CCDC169: variants seen among roughly 807,000 people sequenced by gnomAD.
CCDC169 encodes the protein coiled-coil domain containing 169.
Under a neutral mutation model 36.0 loss-of-function variants are expected in CCDC169, and 30 were observed. That is an observed-to-expected ratio of 0.83 (90% CI 0.62 to 1.13). The LOEUF (loss-of-function observed/expected upper bound fraction) is 1.13. Ranked by LOEUF, CCDC169 falls within the 50% of genes most tolerant of loss-of-function variation. CCDC169 has a pLI of 0.00. For missense variants in CCDC169, 245 were observed against 245.9 expected, an observed-to-expected ratio of 1.00 and a Z score of 0.03; for synonymous variants, 85 against 81.5, an observed-to-expected ratio of 1.04 and a Z score of -0.23.
At chr13:36,293,427 C>G (rs1048682440) in intron 2 of CCDC169, among the ~76,000 whole-genome samples, 1 of 152,130 alleles carries the variant, frequency 6.6e-6, no homozygotes, top group African/African-American at 2.4e-5. Context: ...AATAATATAT[C>G]CCATCCCATG....
Position 36,237,719 on chromosome 13 carries a change from T to C in CCDC169, c.546-6427A>G, listed in dbSNP as rs990641546. Among the ~76,000 whole-genome samples, 31 of 152,206 alleles carry C rather than the reference T, an allele frequency of 2.0e-4. 1 individual carries two copies. The highest frequency in any genetic ancestry group is 2.9e-5 in the Non-Finnish European group (2 of 68,026). On this transcript the variant is annotated intron_variant, in intron 7 of 7. Transcript: ENST00000239859. ...ACATATTGTATGCTCCCATTTACAG[T>C]TGGAAATGTGCCACATAACATTTCA...
intron 2 of CCDC169, among the ~76,000 whole-genome samples, chr13:36,295,304 G>T (rs1879342754): frequency 6.6e-6 from 1 of 152,154 alleles, no homozygotes; most frequent in Non-Finnish European, 1.5e-5. Flanking sequence ...ATATGGCAGG[G>T]TCATATCTTG....
downstream of CCDC169, among the ~76,000 whole-genome samples, chr13:36,228,535 T>A (rs9531634): frequency 6.6e-6 from 1 of 151,870 alleles, no homozygotes; most frequent in Admixed American, 6.6e-5. Flanking sequence ...ATTTTTGCTG[T>A]GGTTATTGCA....
intron 4 of CCDC169, among the ~76,000 whole-genome samples, chr13:36,262,120 C>T (rs1362310681): frequency 1.3e-5 from 2 of 152,168 alleles, no homozygotes; most frequent in East Asian, 3.9e-4. Context: ...CTTGGCCCCA[C>T]CCAACTTGAA....
At chr13:36,224,533 A>C (rs910483475), downstream of CCDC169, 1 of 152,176 alleles carries the variant, frequency 6.6e-6, no homozygotes, top group African/African-American at 2.4e-5. Flanking sequence ...CCAATCTACA[A>C]TAGCCACATA....
chr13:36,295,714 G>T, intron 2 of CCDC169, 64 bp downstream of exon 2: 2 of 845,610 alleles, frequency 2.4e-6, no homozygotes, highest in South Asian at 1.7e-5. Flanking sequence ...ATGCACCATA[G>T]ATATCCTGGT....
chr13:36,252,813 G>A (rs1488361856), intron 6 of CCDC169, among the ~76,000 whole-genome samples: 2 of 151,900 alleles, frequency 1.3e-5, no homozygotes, highest in African/African-American at 4.8e-5. Flanking sequence ...CTTCCATTTG[G>A]ATAACACACA....
intron 4 of CCDC169, among the ~76,000 whole-genome samples, chr13:36,279,547 T>C (rs1401713966): frequency 1.3e-5 from 2 of 152,182 alleles, no homozygotes; most frequent in Non-Finnish European, 2.9e-5. Context: ...ACCTGAAGAG[T>C]TAATAAAAAT....
chr13:36,296,344 C>T (rs893415444), intron 1 of CCDC169, among the ~76,000 whole-genome samples: 5 of 152,184 alleles, frequency 3.3e-5, no homozygotes, highest in Admixed American at 2.0e-4. Flanking sequence ...CGCCCAGCCT[C>T]GGCCTCCCAA....
In CCDC169 at chr13:36,267,149, T is replaced by A. The variant is rs189841265; in HGVS notation, c.316-13006A>T. On this transcript the variant is annotated intron_variant, in intron 4 of 7. Coordinates refer to ENST00000239859, the MANE Select transcript of CCDC169 (RefSeq NM_001144981.3). ...GGCTGTAATGTAGTCTAGGAAAAGTTTGGCAAAGCCAACCAAGAGTACTCA... is the reference window on the plus strand; with the variant it reads ...GGCTGTAATGTAGTCTAGGAAAAGTATGGCAAAGCCAACCAAGAGTACTCA... 2.6e-5 allele frequency: 4 copies of A among 152,308 alleles called. No individual in the cohort carries two copies. In the East Asian group the frequency reaches 5.8e-4, roughly 22 times the overall value. The allele number at this position is 152,308 out of a possible 1,614,324, so 9.4% of individuals were successfully genotyped here.
intron 4 of CCDC169, among the ~76,000 whole-genome samples, chr13:36,255,485 G>A (rs986348128): frequency 4.6e-5 from 7 of 151,996 alleles, no homozygotes; most frequent in South Asian, 2.1e-4. Flanking sequence ...CCAACATGGC[G>A]AACCCTGTCT....
chr13:36,281,273 GA>G, intron 4 of CCDC169: 7 of 432,308 alleles, frequency 1.6e-5, no homozygotes, highest in East Asian at 1.6e-4. Context: ...GTCACATGAG[GA>G]AAAAAAAGAA....
downstream of CCDC169, chr13:36,227,326 C>G (rs1236897956): frequency 6.4e-6 from 10 of 1,551,054 alleles, no homozygotes; most frequent in Non-Finnish European, 8.7e-6. Flanking sequence ...GCACTGAAAC[C>G]CAATGTCTCC....
At chr13:36,277,006 A>T (rs1876910794) in intron 4 of CCDC169, among the ~76,000 whole-genome samples, 1 of 152,200 alleles carries the variant, frequency 6.6e-6, no homozygotes, top group Non-Finnish European at 1.5e-5. Flanking sequence ...TACATAATGT[A>T]TATAAAAGTA....
chr13:36,244,239 T>C (rs1872215294), intron 7 of CCDC169, among the ~76,000 whole-genome samples: 1 of 152,328 alleles, frequency 6.6e-6, no homozygotes, highest in Non-Finnish European at 1.5e-5. Context: ...CCTACACAGA[T>C]ATAAACCTTT....
At chr13:36,251,627 C>A (rs1873179581) in intron 6 of CCDC169, among the ~76,000 whole-genome samples, 1 of 152,080 alleles carries the variant, frequency 6.6e-6, no homozygotes, top group Admixed American at 6.6e-5. Flanking sequence ...TATGAGCATA[C>A]ATTTCTATTT....
chr13:36,247,353 T>C (rs777802929), intron 7 of CCDC169, among the ~76,000 whole-genome samples: 1 of 152,190 alleles, frequency 6.6e-6, no homozygotes, highest in Non-Finnish European at 1.5e-5. Context: ...TTTCAAGTCT[T>C]ATTATTTAAG....
chr13:36,239,047 A>G (rs1871427005), intron 7 of CCDC169, among the ~76,000 whole-genome samples: 1 of 152,064 alleles, frequency 6.6e-6, no homozygotes, highest in Non-Finnish European at 1.5e-5. Flanking sequence ...CTGAAAAAAC[A>G]TGGCAAGACC....
chr13:36,280,298 A>G (rs1877341003), intron 4 of CCDC169: 1 of 152,214 alleles, frequency 6.6e-6, no homozygotes. Context: ...TCATTAAAAC[A>G]TTTAAAGTCA....
Sources: gnomAD v4.1 joint callset for allele counts (sites outside exome capture counted in the v4.1 genomes callset) on GRCh38, gnomAD v4.1.1 for gene constraint, MANE v1.5 for transcripts, NCBI Gene and HGNC (gene_info 2026-07-23, HGNC 2026-07-21) for gene names.